Variants in COL11A1 observed in about 807,000 individuals in gnomAD.
The protein encoded by COL11A1 is collagen type XI alpha 1 chain.
A neutral mutation model predicts 265.2 loss-of-function variants in COL11A1; 74 were observed. The observed-to-expected ratio is 0.28, with a 90% confidence interval of 0.23 to 0.34. The LOEUF is 0.34. COL11A1 is among the 10% of genes least tolerant of loss of function. COL11A1 has a pLI of 1.00. For missense variants in COL11A1, 2,165 were observed against 2,263.6 expected (o/e 0.96, Z 0.88); for synonymous variants, 816 against 727.6 (o/e 1.12, Z -1.96).
chr1:102,882,273 C>A (rs1198629939), intron 64 of COL11A1, among the ~76,000 whole-genome samples: 2 of 152,156 alleles, frequency 1.3e-5, no homozygotes, highest in Non-Finnish European at 2.9e-5. Flanking sequence ...TCTTATAGAT[C>A]TGCATTTATT....
At chr1:102,998,155 G>A (rs750091766) in intron 25 of COL11A1, among the ~76,000 whole-genome samples, 155 bp downstream of exon 25, 1 of 151,750 alleles carries the variant, frequency 6.6e-6, no homozygotes, top group Non-Finnish European at 1.5e-5. Flanking sequence ...ATATGGAAGT[G>A]ATATGATGAA....
chr1:103,049,654 G>C (rs1449748284), intron 4 of COL11A1, among the ~76,000 whole-genome samples: 1 of 152,130 alleles, frequency 6.6e-6, no homozygotes, highest in African/African-American at 2.4e-5. Flanking sequence ...GATGTCAGCT[G>C]GCTATTTTGC....
intron 1 of COL11A1, among the ~76,000 whole-genome samples, chr1:103,088,227 G>A (rs576092974): frequency 4.3e-4 from 66 of 152,282 alleles, no homozygotes; most frequent in African/African-American, 1.4e-3. Context: ...GAGCAAAACT[G>A]CTTCTTAAGT....
Position 102,986,522 on chromosome 1 carries a change from C to G in COL11A1, c.2502+1111G>C, listed in dbSNP as rs537492614. On this transcript the variant is annotated intron_variant, in intron 30 of 66. Coordinates refer to ENST00000370096, the MANE Select transcript of COL11A1 (RefSeq NM_001854.4). ...GCACATGTATACATATGTAACTAAC[C>G]TGCACGTTGTGCATTAAAGTATAGT... 2.6e-5 allele frequency among the ~76,000 whole-genome samples: 4 copies of G among 152,126 alleles called. No homozygotes were observed. In the South Asian group the frequency reaches 8.3e-4, roughly 32 times the overall value.
At chr1:102,933,093 A>G (rs1238797068) in intron 46 of COL11A1, among the ~76,000 whole-genome samples, 1 of 149,612 alleles carries the variant, frequency 6.7e-6, no homozygotes, top group Non-Finnish European at 1.5e-5. Context: ...CTCTCAGCTC[A>G]TCAAAGTCAT....
At chr1:103,038,807 C>T (rs1668580426) in intron 4 of COL11A1, among the ~76,000 whole-genome samples, 2 of 151,982 alleles carry the variant, frequency 1.3e-5, no homozygotes, top group Admixed American at 1.3e-4. Context: ...AGAATTGAAG[C>T]CAAGTCAGCC....
intron 41 of COL11A1, among the ~76,000 whole-genome samples, chr1:102,948,214 T>A (rs1359606017): frequency 6.6e-6 from 1 of 152,086 alleles, no homozygotes; most frequent in Non-Finnish European, 1.5e-5. Flanking sequence ...TGCTTTACAA[T>A]TCACAAATCA....
At chr1:102,938,641 T>C (rs1564142) in intron 44 of COL11A1, among the ~76,000 whole-genome samples, 143,037 of 152,132 alleles carry the variant, frequency 0.94, 67,472 homozygotes, top group East Asian at 1. Flanking sequence ...ATGATTTAAA[T>C]GAAAAATTTT....
chr1:103,045,899 G>A (rs895042698), intron 4 of COL11A1, among the ~76,000 whole-genome samples: 2 of 151,808 alleles, frequency 1.3e-5, no homozygotes, highest in African/African-American at 4.8e-5. Context: ...AGTTTGCTGA[G>A]AACGATGGTT....
intron 11 of COL11A1, among the ~76,000 whole-genome samples, chr1:103,016,929 A>G (rs1464729462): frequency 6.6e-6 from 1 of 152,000 alleles, no homozygotes; most frequent in Non-Finnish European, 1.5e-5. Flanking sequence ...CACAGTGTAA[A>G]GAGATGAATT....
Position 102,987,714 on chromosome 1 carries a change from T to C in COL11A1, c.2421A>G (p.Arg807=), listed in dbSNP as rs367824632. 1 of 1,613,460 alleles carries C rather than the reference T, an allele frequency of 6.2e-7. No homozygotes were observed. Among genetic ancestry groups the C allele is most frequent in the African/African-American group, 1.3e-5 (1 of 74,854 alleles). Residue 807 remains arginine, a synonymous_variant, in exon 30 of 67, where the codon AGA becomes AGG. Transcript: ENST00000370096. ...TGGGTCCTTCAGGGCCATCTTCCCCTCTTGGGCCAATTTGACCAACTTCTC... is the reference window on the plus strand; with the variant it reads ...TGGGTCCTTCAGGGCCATCTTCCCCCCTTGGGCCAATTTGACCAACTTCTC... ...DRGEVGQIGP[R]GEDGPEGPKG... is the part of the protein sequence containing the mutation.
At chr1:103,004,223 G>C (rs542848141) in intron 20 of COL11A1, among the ~76,000 whole-genome samples, 2 of 152,014 alleles carry the variant, frequency 1.3e-5, no homozygotes, top group Non-Finnish European at 2.9e-5. Context: ...GGCTGGAAAT[G>C]TTACATTCCA....
chr1:103,013,576 T>C (rs1009775214), intron 13 of COL11A1, among the ~76,000 whole-genome samples: 4 of 151,960 alleles, frequency 2.6e-5, no homozygotes, highest in Non-Finnish European at 5.9e-5. Flanking sequence ...TTAAACATGA[T>C]ACAATCAAAT....
At chr1:103,005,812 G>GA in intron 18 of COL11A1, 26 bp downstream of exon 18, 1 of 1,611,636 alleles carries the variant, frequency 6.2e-7, no homozygotes. Flanking sequence ...ACATTCCCTG[G>GA]AAAAAAAGGA....
chr1:103,046,986 C>T (rs1023301496), intron 4 of COL11A1, among the ~76,000 whole-genome samples: 1 of 152,078 alleles, frequency 6.6e-6, no homozygotes, highest in Admixed American at 6.5e-5. Context: ...GGTACAAGTA[C>T]CATGTTGTTT....
At chr1:103,046,462 T>C (rs916306411) in intron 4 of COL11A1, among the ~76,000 whole-genome samples, 40 of 151,836 alleles carry the variant, frequency 2.6e-4, no homozygotes, top group Non-Finnish European at 4.7e-4. Context: ...GTTAGTTTTT[T>C]TCTTGTAAAT....
At chr1:103,026,055 A>G in intron 6 of COL11A1, 161 bp downstream of exon 6, 2 of 1,289,680 alleles carry the variant, frequency 1.6e-6, no homozygotes, top group Non-Finnish European at 2.3e-6. Flanking sequence ...AATGGACATC[A>G]TTCTTCAAAA....
Position 103,002,730 on chromosome 1 carries a change from C to G in COL11A1, c.2043+17G>C. On this transcript the variant is annotated intron_variant, in intron 22 of 66. Transcript: ENST00000370096. The stretch of plus-strand genomic sequence containing the variant: ...TATATTCAAATATGAGTTATTTTAT[C>G]ACTATTTGCTACATACCATGTTCCC... 1 of 1,603,058 alleles carries G rather than the reference C, an allele frequency of 6.2e-7. No individual in the cohort carries two copies. Among genetic ancestry groups the G allele is most frequent in the Non-Finnish European group, 8.5e-7 (1 of 1,170,086 alleles).
intron 41 of COL11A1, among the ~76,000 whole-genome samples, chr1:102,956,639 C>T (rs982784420): frequency 2.0e-5 from 3 of 151,890 alleles, no homozygotes; most frequent in African/African-American, 7.3e-5. Context: ...GTAGGTTATG[C>T]TCCATGAGTA....
Sources: allele counts gnomAD v4.1 joint callset (sites outside exome capture counted in the v4.1 genomes callset), GRCh38; gene constraint gnomAD v4.1.1; transcripts MANE v1.5; gene names NCBI Gene and HGNC (gene_info 2026-07-23, HGNC 2026-07-21).